Variants in TLCD3A observed in about 807,000 individuals in gnomAD.
The protein encoded by TLCD3A is TLC domain-containing protein 3A.
TLCD3A carries 17 observed loss-of-function variants against 29.9 expected under a neutral mutation model. The ratio of observed to expected loss-of-function variants is 0.57; its 90% confidence interval spans 0.39 to 0.85. TLCD3A has a LOEUF of 0.85. Ranked by LOEUF, TLCD3A falls within the 40% of genes least tolerant of loss-of-function variation. The probability of loss-of-function intolerance (pLI) is 0.00; values close to 1 mark genes in which losing one functional copy is unlikely to be tolerated. For missense variants in TLCD3A, 332 were observed against 350.8 expected (o/e 0.95, Z 0.43); for synonymous variants, 143 against 147.7 (o/e 0.97, Z 0.23).
At chr17:740,671 G>C (rs1974237637) in intron 4 of TLCD3A, 71 bp downstream of exon 4, 1 of 1,464,826 alleles carries the variant, frequency 6.8e-7, no homozygotes, top group Admixed American at 1.8e-5. Context: ...ATGACAGAGA[G>C]AGTGAGGGTT....
At position 733,078 on chromosome 17, in the gene TLCD3A, G is replaced by GATC; in HGVS notation, c.123-20_123-19insATC. 6.9e-7 allele frequency: 1 copy of GATC among 1,449,208 alleles called. No homozygotes were observed. The highest frequency in any genetic ancestry group is 9.3e-7 in the Non-Finnish European group (1 of 1,069,552). 89.8% of individuals were successfully genotyped at this position (1,449,208 alleles called of 1,614,324 possible). A position where few individuals can be genotyped will look rare whatever the true frequency, so the allele number is the denominator to read the frequency against. On this transcript the variant is annotated intron_variant, in intron 1 of 4. Transcript: ENST00000308278. ...TCGGACCGGACTGAGCGCGCGCGCTGTTCTCTCCGCCCGCGCTAGGCTGGT... is the reference window on the plus strand; with the variant it reads ...TCGGACCGGACTGAGCGCGCGCGCTGATCTTCTCTCCGCCCGCGCTAGGCTGGT...
chr17:739,330 A>G (rs962114923), intron 3 of TLCD3A, among the ~76,000 whole-genome samples: 1 of 152,142 alleles, frequency 6.6e-6, no homozygotes, highest in African/African-American at 2.4e-5. Flanking sequence ...CTGGGTTTAC[A>G]GATGCACGCC....
chr17:735,902 G>A (rs1974146857), intron 2 of TLCD3A, among the ~76,000 whole-genome samples: 1 of 150,216 alleles, frequency 6.7e-6, no homozygotes, highest in Non-Finnish European at 1.5e-5. Context: ...TTGAACCCAC[G>A]AGTCAGAGGT....
intron 2 of TLCD3A, among the ~76,000 whole-genome samples, chr17:737,156 T>C (rs1362437994): frequency 6.6e-6 from 1 of 152,078 alleles, no homozygotes; most frequent in Admixed American, 6.6e-5. Flanking sequence ...GGACTACAGG[T>C]GTGCGCCACC....
chr17:741,512 T>G lies in TLCD3A; in HGVS notation c.716T>G (p.Leu239Arg), dbSNP rs747973184. The change falls in exon 5 of 5, where the codon CTG (leucine) becomes CGG (arginine). Residue 239 changes from leucine to arginine, a missense_variant. Coordinates refer to ENST00000308278, the MANE Select transcript of TLCD3A (RefSeq NM_024792.3). ...GCTCCTCAGATCTACTGGTTCTGTCTGCTGTGCAGGAAGGCAGTCCGGCTC... is the reference window on the plus strand; with the variant it reads ...GCTCCTCAGATCTACTGGTTCTGTCGGCTGTGCAGGAAGGCAGTCCGGCTC... The part of the protein sequence containing the change: ...LVAPQIYWFC[L>R]LCRKAVRLFD... 1.4e-5 allele frequency: 23 copies of G among 1,614,164 alleles called. No individual in the cohort carries two copies. In the South Asian group the frequency reaches 2.4e-4, roughly 17 times the overall value.
At chr17:740,711 G>A (rs1005410242) in intron 4 of TLCD3A, 111 bp downstream of exon 4, 1 of 672,404 alleles carries the variant, frequency 1.5e-6, no homozygotes, top group East Asian at 3.2e-5. Context: ...ATGAATGGCA[G>A]AGAGAGTGAA....
intron 4 of TLCD3A, among the ~76,000 whole-genome samples, chr17:740,915 T>C (rs1361479769): frequency 6.6e-6 from 1 of 152,204 alleles, no homozygotes; most frequent in Non-Finnish European, 1.5e-5. Context: ...AAAGGTCAGC[T>C]GGTCATCTCA....
Position 742,023 on chromosome 17 carries a change from T to C in TLCD3A, c.*453T>C, listed in dbSNP as rs910629226. The C allele has an allele frequency of 5.5e-5, 11 of 200,094 alleles. No homozygotes were observed. The highest frequency in any genetic ancestry group is 2.7e-4 in the Admixed American group (5 of 18,564). The allele number at this position is 200,094 out of a possible 1,614,324, so 12.4% of individuals were successfully genotyped here. ...TTGGTTCTTGGAAGTAATGTCGTCT[T>C]GTGACATTGGCCTGGGACAATCATT... On this transcript the variant is annotated 3_prime_UTR_variant, in exon 5 of 5. Coordinates refer to ENST00000308278, the MANE Select transcript of TLCD3A (RefSeq NM_024792.3).
chr17:738,094 G>GTTTGTTTTT (rs200758501), intron 3 of TLCD3A, 47 bp downstream of exon 3: 19 of 429,026 alleles, frequency 4.4e-5, no homozygotes, highest in Non-Finnish European at 5.6e-5. Context: ...TGAGCTGGGT[G>GTTTGTTTTT]TCTTTTTTTT....
chr17:732,812 C>T (rs1487759184), intron 1 of TLCD3A, 43 bp downstream of exon 1: 2 of 1,401,008 alleles, frequency 1.4e-6, no homozygotes, highest in Non-Finnish European at 1.8e-6. Context: ...CGGGGCGCTG[C>T]CCACCGCACC....
rs752680667 is a variant in TLCD3A, at chr17:732,721, G to C, written c.74G>C (p.Arg25Pro). 1 of 1,440,198 alleles carries C rather than the reference G, an allele frequency of 6.9e-7. No homozygotes were observed. The highest frequency in any genetic ancestry group is 2.5e-5 in the Admixed American group (1 of 40,014). The allele number at this position is 1,440,198 out of a possible 1,614,324, so 89.2% of individuals were successfully genotyped here. A position where few individuals can be genotyped will look rare whatever the true frequency, so the allele number is the denominator to read the frequency against. ...GCGCTCTGCACCTGGGCGCTGCGCCGCTCCCAGCCCGGATGGAGCCGCACC... is the reference window on the plus strand; with the variant it reads ...GCGCTCTGCACCTGGGCGCTGCGCCCCTCCCAGCCCGGATGGAGCCGCACC... ...LFALCTWALR[R>P]SQPGWSRTDC... is the part of the protein sequence containing the mutation. Residue 25 changes from arginine (R) to proline (P), a missense_variant, in exon 1 of 5, where the codon CGC becomes CCC. Coordinates refer to ENST00000308278, the MANE Select transcript of TLCD3A (RefSeq NM_024792.3).
chr17:736,700 G>A (rs1974159674), intron 2 of TLCD3A, among the ~76,000 whole-genome samples: 1 of 152,164 alleles, frequency 6.6e-6, no homozygotes. Context: ...CTTTTGCCCA[G>A]GCTGGAGTGC....
chr17:740,935 G>A (rs1974243758), intron 4 of TLCD3A, among the ~76,000 whole-genome samples: 1 of 152,152 alleles, frequency 6.6e-6, no homozygotes. Context: ...AGCCAGTGGG[G>A]GTGAAATTGT....
In TLCD3A at chr17:741,834, G is replaced by A. The variant is rs1974260281; in HGVS notation, c.*264G>A. On this transcript the variant is annotated 3_prime_UTR_variant, in exon 5 of 5. Coordinates refer to ENST00000308278, the MANE Select transcript of TLCD3A (RefSeq NM_024792.3). ...ATGCAAGCCCAAGGATCCTTCTTAAGGTCTTATCTCAAGAGCTCTGGGAGG... is the reference window on the plus strand; with the variant it reads ...ATGCAAGCCCAAGGATCCTTCTTAAAGTCTTATCTCAAGAGCTCTGGGAGG... The A allele has an allele frequency of 2.0e-6, 1 of 499,386 alleles. No individual in the cohort carries two copies. Among genetic ancestry groups the A allele is most frequent in the South Asian group, 2.1e-5 (1 of 46,852 alleles). The allele number at this position is 499,386 out of a possible 1,614,324, so 30.9% of individuals were successfully genotyped here.
Position 742,501 on chromosome 17 carries a change from GTCA to G in TLCD3A, c.*934_*936del, listed in dbSNP as rs1974273349. ...TTCTGTCCTCCAAACCATGAAATGT[GTCA>G]TCTAGACTGCAGAGTACTTGAGTGC... On this transcript the variant is annotated 3_prime_UTR_variant, in exon 5 of 5. Coordinates refer to ENST00000308278, the MANE Select transcript of TLCD3A (RefSeq NM_024792.3). 6.6e-6 allele frequency: 1 copy of G among 152,226 alleles called. No homozygotes were observed. Among genetic ancestry groups the G allele is most frequent in the Non-Finnish European group, 1.5e-5 (1 of 68,060 alleles). The allele number at this position is 152,226 out of a possible 1,614,324, so 9.4% of individuals were successfully genotyped here. A position where few individuals can be genotyped will look rare whatever the true frequency, so the allele number is the denominator to read the frequency against.
chr17:733,633 T>C (rs1397484442), intron 2 of TLCD3A, among the ~76,000 whole-genome samples: 1 of 152,136 alleles, frequency 6.6e-6, no homozygotes, highest in Non-Finnish European at 1.5e-5. Context: ...TAAAGGTGAT[T>C]GAGAGGTTCC....
chr17:738,077 G>A (rs771482838), intron 3 of TLCD3A, 30 bp downstream of exon 3: 2 of 1,098,782 alleles, frequency 1.8e-6, no homozygotes, highest in Admixed American at 4.2e-5. Context: ...CAGACCAGCA[G>A]CTGGGTTGAG....
In TLCD3A at chr17:742,526, G is replaced by A. The variant is rs1974273813; in HGVS notation, c.*956G>A. On this transcript the variant is annotated 3_prime_UTR_variant, in exon 5 of 5. Coordinates refer to ENST00000308278, the MANE Select transcript of TLCD3A (RefSeq NM_024792.3). Reference sequence around the variant, plus strand: ...GTCATCTAGACTGCAGAGTACTTGAGTGCTTTGCCTCCCGATATGCCAGAG... The same window carrying A: ...GTCATCTAGACTGCAGAGTACTTGAATGCTTTGCCTCCCGATATGCCAGAG... 6.6e-6 allele frequency: 1 copy of A among 152,204 alleles called. No individual in the cohort carries two copies. Among genetic ancestry groups the A allele is most frequent in the Non-Finnish European group, 1.5e-5 (1 of 68,042 alleles). 9.4% of individuals were successfully genotyped at this position (152,204 alleles called of 1,614,324 possible). A position where few individuals can be genotyped will look rare whatever the true frequency, so the allele number is the denominator to read the frequency against.
At position 742,385 on chromosome 17, in the gene TLCD3A, C is replaced by T. The variant is rs914494381; in HGVS notation, c.*815C>T. ...ACATGCAGAGGGCGAGCTCATAAAA[C>T]TACAGGGAAGCGTGAAATGATGGCT... On this transcript the variant is annotated 3_prime_UTR_variant, in exon 5 of 5. Transcript: ENST00000308278. 2 of 152,248 alleles carry T rather than the reference C, an allele frequency of 1.3e-5. No homozygotes were observed. Among genetic ancestry groups the T allele is most frequent in the Non-Finnish European group, 2.9e-5 (2 of 68,054 alleles). 9.4% of individuals were successfully genotyped at this position (152,248 alleles called of 1,614,324 possible). A position where few individuals can be genotyped will look rare whatever the true frequency, so the allele number is the denominator to read the frequency against.
Sources: allele counts gnomAD v4.1 joint callset (sites outside exome capture counted in the v4.1 genomes callset), GRCh38; gene constraint gnomAD v4.1.1; transcripts MANE v1.5; gene names NCBI Gene and HGNC (gene_info 2026-07-23, HGNC 2026-07-21).